Variants in ZNF44 observed in about 807,000 individuals in gnomAD.
ZNF44 encodes the protein gonadotropin inducible transcription repressor-2.
A neutral mutation model predicts 11.7 loss-of-function variants in ZNF44; 9 were observed. The ratio of observed to expected loss-of-function variants is 0.77; its 90% CI spans 0.46 to 1.35. The LOEUF (loss-of-function observed/expected upper bound fraction) is 1.35. Ranked by LOEUF, ZNF44 falls within the 40% of genes most tolerant of loss-of-function variation. The pLI is 0.00. For synonymous variants in ZNF44, 224 were observed against 242.7 expected (o/e 0.92, Z 0.72); for missense variants, 696 against 743.1 (o/e 0.94, Z 0.74).
At chr19:12,289,647 T>TA (rs1472475015) in intron 1 of ZNF44, among the ~76,000 whole-genome samples, 1 of 149,508 alleles carries the variant, frequency 6.7e-6, no homozygotes, top group East Asian at 2.0e-4. Flanking sequence ...CTCATTCTTT[T>TA]TTTTTTTTTT....
At chr19:12,251,298 C>A (rs1462977748) in intron 5 of ZNF44, among the ~76,000 whole-genome samples, 1 of 149,814 alleles carries the variant, frequency 6.7e-6, no homozygotes, top group African/African-American at 2.5e-5. Context: ...ACATTGCACT[C>A]CAGCCTGGGC....
intron 2 of ZNF44, among the ~76,000 whole-genome samples, chr19:12,275,555 A>G (rs1487244730): frequency 6.6e-6 from 1 of 152,070 alleles, no homozygotes; most frequent in Non-Finnish European, 1.5e-5. Context: ...GGCTGAGGCA[A>G]GAATGGTGTG....
At chr19:12,267,419 G>A (rs1917776832), downstream of ZNF44, among the ~76,000 whole-genome samples, 1 of 152,116 alleles carries the variant, frequency 6.6e-6, no homozygotes, top group Non-Finnish European at 1.5e-5. Context: ...GGGAAAAAGG[G>A]GAGTTATATG....
chr19:12,271,290 A>G (rs1201051243), downstream of ZNF44, among the ~76,000 whole-genome samples: 1 of 152,226 alleles, frequency 6.6e-6, no homozygotes, highest in Non-Finnish European at 1.5e-5. Context: ...AAAGAAAAAG[A>G]ACTAGCTTCC....
chr19:12,280,011 C>T (rs1432967918), intron 1 of ZNF44, among the ~76,000 whole-genome samples: 3 of 151,774 alleles, frequency 2.0e-5, no homozygotes, highest in African/African-American at 7.3e-5. Context: ...AAATTCTTTA[C>T]TCTTCTTATA....
chr19:12,280,944 T>C (rs1405935845), intron 1 of ZNF44, among the ~76,000 whole-genome samples: 6 of 152,232 alleles, frequency 3.9e-5, no homozygotes, highest in Middle Eastern at 3.4e-3. Flanking sequence ...TCAAAATACA[T>C]AATGCAAAAA....
In ZNF44 at chr19:12,272,506, AGT is replaced by A. The variant is rs879173478; in HGVS notation, c.1747_1748del (p.Thr583TrpfsTer6). ...SFCREHERTH[T>X]GEKPYECKEC... ...CCTTACATTCATAGGGCTTCTCTCC[AGT>A]GTGAGTTCTTTCATGTTCTCGACAG... is the stretch of plus-strand genomic sequence containing the variant. On this transcript the variant is annotated frameshift_variant, in exon 4 of 4. Transcript: ENST00000355684. LOFTEE classifies it low-confidence loss of function (END_TRUNC). 6 of 1,613,164 alleles carry A rather than the reference AGT, an allele frequency of 3.7e-6. No individual in the cohort carries two copies. The highest frequency in any genetic ancestry group is 3.3e-5 in the South Asian group (3 of 90,942).
intron 5 of ZNF44, chr19:12,260,335 C>A: frequency 2.1e-6 from 2 of 968,076 alleles, no homozygotes; most frequent in South Asian, 2.8e-5. Flanking sequence ...TCCGGCCAGC[C>A]GAAGCCTGCC....
Position 12,293,720 on chromosome 19 carries a change from G to A in ZNF44, c.3+972C>T, listed in dbSNP as rs183750344. ...AAAAGATTTACTGTTAGCCCCAAGAGGAGTTAGGATGAAGGGACAGGTCTC... is the reference window on the plus strand; with the variant it reads ...AAAAGATTTACTGTTAGCCCCAAGAAGAGTTAGGATGAAGGGACAGGTCTC... On this transcript the variant is annotated intron_variant, in intron 1 of 3. Coordinates refer to ENST00000355684, the MANE Select transcript of ZNF44 (RefSeq NM_016264.4). 2.2e-4 allele frequency among the ~76,000 whole-genome samples: 33 copies of A among 152,236 alleles called. No homozygotes were observed. The East Asian group carries it at 5.4e-3, about 25-fold the overall frequency.
chr19:12,233,210 C>A (rs528814814), intron 2 of ZNF44, among the ~76,000 whole-genome samples: 3 of 152,046 alleles, frequency 2.0e-5, no homozygotes, highest in African/African-American at 7.2e-5. Flanking sequence ...ATGTCTGCCC[C>A]AAAATAACCT....
At chr19:12,252,375 T>C (rs1222673068) in intron 5 of ZNF44, among the ~76,000 whole-genome samples, 1 of 152,134 alleles carries the variant, frequency 6.6e-6, no homozygotes, top group African/African-American at 2.4e-5. Flanking sequence ...GAGACAAAAA[T>C]TGAGGGAATC....
rs1967102010 is a variant in ZNF44, at chr19:12,273,984, T to C, written c.271A>G (p.Ile91Val). 1.2e-6 allele frequency: 2 copies of C among 1,614,134 alleles called. No individual in the cohort carries two copies. The highest frequency in any genetic ancestry group is 1.7e-6 in the Non-Finnish European group (2 of 1,180,006). Residue 91 changes from isoleucine to valine, a missense_variant, in exon 4 of 4, where the codon ATT becomes GTT. Transcript: ENST00000355684. Reference sequence around the variant, plus strand: ...CTGGCGGGAGTGTTCTTGTTTACAATACTATTTCGAATCTGGCTTAAGGTT... The same window carrying C: ...CTGGCGGGAGTGTTCTTGTTTACAACACTATTTCGAATCTGGCTTAAGGTT... ...GETLSQIRNS[I>V]VNKNTPARVD...
intron 1 of ZNF44, among the ~76,000 whole-genome samples, chr19:12,235,296 G>A (rs917069656): frequency 6.6e-6 from 1 of 152,306 alleles, no homozygotes; most frequent in Non-Finnish European, 1.5e-5. Flanking sequence ...GTGAACCTGG[G>A]AGGCGGAGCT....
intron 1 of ZNF44, chr19:12,284,481 A>G: frequency 1.5e-6 from 1 of 658,826 alleles, no homozygotes. Flanking sequence ...CGAGGATAAG[A>G]AGTGGATGCC....
At chr19:12,268,846 C>G (rs531058325), downstream of ZNF44, among the ~76,000 whole-genome samples, 1 of 151,982 alleles carries the variant, frequency 6.6e-6, no homozygotes, top group Non-Finnish European at 1.5e-5. Flanking sequence ...CAAGCTCAAG[C>G]AATCCTTCCA....
intron 2 of ZNF44, among the ~76,000 whole-genome samples, chr19:12,233,515 A>G (rs997975790): frequency 4.6e-5 from 7 of 151,442 alleles, no homozygotes; most frequent in Admixed American, 2.6e-4. Context: ...ATGTTATCAA[A>G]AATGTCCAAT....
chr19:12,244,481 A>G (rs1048770163), downstream of ZNF44: 2 of 152,524 alleles, frequency 1.3e-5, no homozygotes, highest in Admixed American at 6.5e-5. Context: ...AACAGTGTCC[A>G]TTATACCACA....
At chr19:12,237,440 T>A in intron 1 of ZNF44, 1 of 168,080 alleles carries the variant, frequency 5.9e-6, no homozygotes, top group Middle Eastern at 1.1e-3. Context: ...CCACCCGGCC[T>A]TGCACACTCA....
chr19:12,256,299 C>T (rs931535322), intron 5 of ZNF44, among the ~76,000 whole-genome samples: 5 of 151,888 alleles, frequency 3.3e-5, no homozygotes, highest in African/African-American at 1.2e-4. Context: ...TTAGCCTGGC[C>T]AACATGGTGA....
Sources: gnomAD v4.1 joint callset for allele counts (sites outside exome capture counted in the v4.1 genomes callset) on GRCh38, gnomAD v4.1.1 for gene constraint, MANE v1.5 for transcripts, NCBI Gene and HGNC (gene_info 2026-07-23, HGNC 2026-07-21) for gene names.